CRBN: variants seen among roughly 807,000 people sequenced by gnomAD.
CRBN encodes the protein protein cereblon.
A neutral mutation model predicts 62.2 loss-of-function variants in CRBN; 53 were observed. The ratio of observed to expected loss-of-function variants is 0.85; its 90% CI spans 0.68 to 1.07. CRBN has a LOEUF of 1.07. CRBN is among the 50% of genes least tolerant of loss of function. CRBN has a pLI of 0.00. For missense variants in CRBN, 616 were observed against 531.1 expected, an observed-to-expected ratio of 1.16 and a Z score of -1.57; for synonymous variants, 208 against 176.1, an observed-to-expected ratio of 1.18 and a Z score of -1.43.
At chr3:3,167,556 TTG>T (rs1252111830) in intron 5 of CRBN, 76 bp downstream of exon 5, 11 of 1,380,748 alleles carry the variant, frequency 8.0e-6, no homozygotes, top group East Asian at 2.3e-5. Context: ...ATCATGAAAG[TTG>T]TGTTTCTTTC....
chr3:3,155,936 A>C (rs1265262923), intron 6 of CRBN: 2 of 366,438 alleles, frequency 5.5e-6, no homozygotes, highest in Non-Finnish European at 1.0e-5. Context: ...CCTCTCAAGC[A>C]GCTGGGACTA....
At chr3:3,170,944 TAC>T (rs1488427083) in intron 4 of CRBN, among the ~76,000 whole-genome samples, 1 of 152,144 alleles carries the variant, frequency 6.6e-6, no homozygotes, top group Non-Finnish European at 1.5e-5. Flanking sequence ...TAGCTGGGAT[TAC>T]AGTCATGCGC....
At chr3:3,154,853 C>G (rs764901472) in intron 6 of CRBN, 22 bp from the exon 7 acceptor site, 16 of 1,366,944 alleles carry the variant, frequency 1.2e-5, no homozygotes, top group Non-Finnish European at 1.6e-5. Context: ...TAAAGGTAGC[C>G]ATAATCAAGT....
intron 5 of CRBN, among the ~76,000 whole-genome samples, chr3:3,165,878 C>G (rs1263765583): frequency 6.6e-6 from 1 of 152,160 alleles, no homozygotes; most frequent in African/African-American, 2.4e-5. Context: ...ATTTCAGTAG[C>G]AAACCAGTGC....
At chr3:3,178,143 C>T (rs1707906327) in intron 1 of CRBN, among the ~76,000 whole-genome samples, 1 of 152,196 alleles carries the variant, frequency 6.6e-6, no homozygotes, top group Non-Finnish European at 1.5e-5. Flanking sequence ...CTTCTATTCA[C>T]CATTCTCCCT....
At chr3:3,171,430 T>C (rs547060169) in intron 4 of CRBN, among the ~76,000 whole-genome samples, 2 of 152,142 alleles carry the variant, frequency 1.3e-5, no homozygotes, top group East Asian at 1.9e-4. Context: ...TTCATTTATA[T>C]AAAATTTATG....
intron 7 of CRBN, chr3:3,154,312 C>G (rs1020159287): frequency 1.9e-6 from 1 of 523,368 alleles, no homozygotes; most frequent in African/African-American, 1.9e-5. Flanking sequence ...AACATGAACT[C>G]AAATCCATGT....
chr3:3,153,367 A>C lies in CRBN; in HGVS notation c.1016+57T>G. On this transcript the variant is annotated intron_variant, in intron 9 of 10. Transcript: ENST00000231948. Reference sequence around the variant, plus strand: ...GAAAGTTTATGGAAAACAGAAATACAGTCTTCATTATAATTCTGATAAGGC... The same window carrying C: ...GAAAGTTTATGGAAAACAGAAATACCGTCTTCATTATAATTCTGATAAGGC... 3 of 974,724 alleles carry C rather than the reference A, an allele frequency of 3.1e-6. No individual in the cohort carries two copies. In the South Asian group the frequency reaches 3.9e-5, roughly 13 times the overall value. The allele number at this position is 974,724 out of a possible 1,614,324, so 60.4% of individuals were successfully genotyped here. A position where few individuals can be genotyped will look rare whatever the true frequency, so the allele number is the denominator to read the frequency against.
At chr3:3,152,388 A>T (rs1575078743) in intron 10 of CRBN, 68 bp downstream of exon 10, 3 of 1,489,314 alleles carry the variant, frequency 2.0e-6, no homozygotes, top group South Asian at 2.4e-5. Context: ...TCTGCTTAGG[A>T]CTCTGGATTT....
chr3:3,178,930 AAC>A (rs1319905323), intron 1 of CRBN, among the ~76,000 whole-genome samples: 11 of 152,142 alleles, frequency 7.2e-5, no homozygotes, highest in Non-Finnish European at 1.3e-4. Context: ...CCAAAGTCTA[AAC>A]ATTTCACACA....
chr3:3,164,201 A>C (rs1425326035), intron 5 of CRBN, among the ~76,000 whole-genome samples: 1 of 152,224 alleles, frequency 6.6e-6, no homozygotes, highest in Non-Finnish European at 1.5e-5. Context: ...GCTCAAGTGA[A>C]AAGAAGAGTA....
intron 3 of CRBN, among the ~76,000 whole-genome samples, chr3:3,173,473 C>A (rs1707709903): frequency 6.6e-6 from 1 of 152,178 alleles, no homozygotes; most frequent in Admixed American, 6.5e-5. Context: ...TTAGAACTTA[C>A]AGGGGTTTAA....
Position 3,152,475 on chromosome 3 carries a change from C to CTG in CRBN, c.1127_1128dup (p.Glu377GlnfsTer42). ...TATTACCCAGGAAACCAGCTGTGTT[C>CTG]TGTAGAAGGCCGGCCTATCAGATTC... On this transcript the variant is annotated frameshift_variant, in exon 10 of 11. Transcript: ENST00000231948. LOFTEE classifies it high-confidence loss of function. 1 of 1,613,694 alleles carries CTG rather than the reference C, an allele frequency of 6.2e-7. No homozygotes were observed. Among genetic ancestry groups the CTG allele is most frequent in the Non-Finnish European group, 8.5e-7 (1 of 1,179,944 alleles).
rs1018465066 is a variant in CRBN, at chr3:3,150,664, G to A, written c.*201C>T. ...GTAGATGTTTCTGGTATTCTAGACTGCCGTTCATGCTTGTTTCCTAAAGTA... is the reference window on the plus strand; with the variant it reads ...GTAGATGTTTCTGGTATTCTAGACTACCGTTCATGCTTGTTTCCTAAAGTA... On this transcript the variant is annotated 3_prime_UTR_variant, in exon 11 of 11. Coordinates refer to ENST00000231948, the MANE Select transcript of CRBN (RefSeq NM_016302.4). 1 of 530,030 alleles carries A rather than the reference G, an allele frequency of 1.9e-6. No homozygotes were observed. The highest frequency in any genetic ancestry group is 2.1e-5 in the South Asian group (1 of 48,328). 32.8% of individuals were successfully genotyped at this position (530,030 alleles called of 1,614,324 possible). A position where few individuals can be genotyped will look rare whatever the true frequency, so the allele number is the denominator to read the frequency against.
rs1706810381 is a variant in CRBN at position 3,154,819 on chromosome 3, C to T, written c.763G>A (p.Asp255Asn). 1 of 1,586,300 alleles carries T rather than the reference C, an allele frequency of 6.3e-7. No homozygotes were observed. The highest frequency in any genetic ancestry group is 1.1e-5 in the South Asian group (1 of 90,482). ...YSLYDAETLMDRIKKQLREWD... is the reference protein window; with the variant it reads ...YSLYDAETLMNRIKKQLREWD... ...TCACGTAGCTGTTTCTTGATTCTGT[C>T]CATTAAGGTCTCCTTGTTTAAAATA... The change falls in exon 7 of 11, where the codon GAC (aspartate) becomes AAC (asparagine). Residue 255 changes from aspartate to asparagine, a missense_variant. Transcript: ENST00000231948.
rs923321110 is a variant in CRBN, at chr3:3,156,104, A to C, written c.750+115T>G. ...CAGGTGTGAGCCACCACTCTTAACG[A>C]TATCTTAAGTTATAAGGCACTAGAA... On this transcript the variant is annotated intron_variant, in intron 6 of 10. Coordinates refer to ENST00000231948, the MANE Select transcript of CRBN (RefSeq NM_016302.4). 1.9e-5 allele frequency: 17 copies of C among 894,832 alleles called. 1 individual carries two copies. The highest frequency in any genetic ancestry group is 6.6e-5 in the African/African-American group (4 of 60,354). 55.4% of individuals were successfully genotyped at this position (894,832 alleles called of 1,614,324 possible).
rs1304811505 is a variant in CRBN, at chr3:3,179,069, T to C, written c.67+552A>G. On this transcript the variant is annotated intron_variant, in intron 1 of 10. Coordinates refer to ENST00000231948, the MANE Select transcript of CRBN (RefSeq NM_016302.4). ...AGATATAATGACAGACACACCCGGG[T>C]TGGAATCCTGACTCTGCTGTGTGAC... 2.0e-5 allele frequency among the ~76,000 whole-genome samples: 3 copies of C among 151,954 alleles called. No homozygotes were observed. The South Asian group carries it at 6.2e-4, about 32-fold the overall frequency.
chr3:3,177,036 C>G (rs540033886), intron 1 of CRBN, among the ~76,000 whole-genome samples: 3 of 152,264 alleles, frequency 2.0e-5, no homozygotes, highest in East Asian at 3.9e-4. Context: ...CTAAGGGAGT[C>G]CTACTGGCAT....
chr3:3,171,790 G>A (rs1327189816), intron 4 of CRBN, among the ~76,000 whole-genome samples: 1 of 151,590 alleles, frequency 6.6e-6, no homozygotes, highest in African/African-American at 2.4e-5. Context: ...CCCCCACCCC[G>A]CCCAAAAAAA....
Sources: gnomAD v4.1 joint callset for allele counts (sites outside exome capture counted in the v4.1 genomes callset) on GRCh38, gnomAD v4.1.1 for gene constraint, MANE v1.5 for transcripts, NCBI Gene and HGNC (gene_info 2026-07-23, HGNC 2026-07-21) for gene names.